The following NEBL variants were observed in gnomAD, a reference collection of about 807,000 sequenced individuals.
The protein encoded by NEBL is LIM and SH3 protein 2.
NEBL carries 122 observed loss-of-function variants against 140.2 expected under a neutral mutation model. The observed-to-expected ratio is 0.87, with a 90% confidence interval of 0.75 to 1.01. The LOEUF is 1.01. NEBL is among the 50% of genes least tolerant of loss of function. The pLI is 0.00. For missense variants in NEBL, 1,365 were observed against 1,231.3 expected, an observed-to-expected ratio of 1.11 and a Z score of -1.62; for synonymous variants, 436 against 398.9, an observed-to-expected ratio of 1.09 and a Z score of -1.11.
chr10:20,845,202 T>G, intron 12 of NEBL, 56 bp downstream of exon 12: 1 of 1,124,776 alleles, frequency 8.9e-7, no homozygotes, highest in South Asian at 1.3e-5. Flanking sequence ...AAACATTTCC[T>G]GGGTTTTTTC....
At chr10:20,907,567 A>G (rs943095893) in intron 4 of NEBL, among the ~76,000 whole-genome samples, 1 of 152,198 alleles carries the variant, frequency 6.6e-6, no homozygotes, top group African/African-American at 2.4e-5. Flanking sequence ...TAAGCAAACC[A>G]TTCGTTCATC....
chr10:20,956,261 G>T (rs1171778209), intron 4 of NEBL, among the ~76,000 whole-genome samples: 2 of 152,202 alleles, frequency 1.3e-5, no homozygotes, highest in African/African-American at 4.8e-5. Context: ...AGGAGCGGTT[G>T]TTCAGAGGAT....
At chr10:21,099,353 C>T (rs962855990) in intron 2 of NEBL, among the ~76,000 whole-genome samples, 11 of 152,100 alleles carry the variant, frequency 7.2e-5, no homozygotes, top group African/African-American at 2.7e-4. Flanking sequence ...TCTCCTTTCG[C>T]GTCCTCCCCT....
chr10:20,898,604 T>C (rs1211603910), upstream of NEBL, among the ~76,000 whole-genome samples: 1 of 152,134 alleles, frequency 6.6e-6, no homozygotes, highest in East Asian at 1.9e-4. Context: ...ACAAATATGT[T>C]TGGGAAATCT....
intron 12 of NEBL, among the ~76,000 whole-genome samples, chr10:20,841,914 C>T (rs1173989035): frequency 6.6e-6 from 1 of 152,054 alleles, no homozygotes; most frequent in Admixed American, 6.6e-5. Context: ...ATTTGAATGT[C>T]ATATTTTAAG....
chr10:20,979,352 T>G (rs1184749524), intron 3 of NEBL, among the ~76,000 whole-genome samples: 2 of 151,286 alleles, frequency 1.3e-5, no homozygotes, highest in African/African-American at 2.4e-5. Flanking sequence ...CCTGGAAAAA[T>G]GTACACCAAA....
At chr10:20,933,416 G>A (rs1834301740) in intron 4 of NEBL, among the ~76,000 whole-genome samples, 1 of 152,234 alleles carries the variant, frequency 6.6e-6, no homozygotes, top group African/African-American at 2.4e-5. Flanking sequence ...CTCAGGAGTG[G>A]CAGGTAAATA....
rs1245614554 is a variant in NEBL, at chr10:21,173,100, C to G, written c.70-623G>C. ...GTCACTCCGGATCGCTCCTGGGTGT[C>G]TCTCTCCCGGGCTGTTCATCTCCGT... On this transcript the variant is annotated intron_variant, in intron 1 of 6. Coordinates refer to the NEBL transcript ENST00000417816. This position sits in a 1 kb window ranked among gnomAD's most constrained non-coding sequence, Gnocchi z 5.7. Among the ~76,000 whole-genome samples the G allele has an allele frequency of 6.6e-6, 1 of 152,170 alleles. No individual in the cohort carries two copies. Among genetic ancestry groups the G allele is most frequent in the Non-Finnish European group, 1.5e-5 (1 of 68,036 alleles).
At chr10:21,236,566 C>T (rs1842353679) in intron 3 of NEBL, among the ~76,000 whole-genome samples, 1 of 152,154 alleles carries the variant, frequency 6.6e-6, no homozygotes, top group East Asian at 1.9e-4. Flanking sequence ...CCAGGCTGGT[C>T]TCGAACTCCT....
intron 2 of NEBL, among the ~76,000 whole-genome samples, chr10:21,067,511 A>G (rs1460037646): frequency 2.0e-5 from 3 of 152,200 alleles, no homozygotes; most frequent in Non-Finnish European, 4.4e-5. Flanking sequence ...AACAAGTAAG[A>G]GAAACAGTTA....
chr10:20,898,244 T>G (rs1468868305), upstream of NEBL, among the ~76,000 whole-genome samples: 1 of 152,158 alleles, frequency 6.6e-6, no homozygotes, highest in African/African-American at 2.4e-5. Context: ...AACTCACAAT[T>G]TATTAATCTG....
chr10:21,089,089 G>A (rs1048391838), intron 2 of NEBL, among the ~76,000 whole-genome samples: 19 of 152,194 alleles, frequency 1.2e-4, no homozygotes, highest in Non-Finnish European at 1.6e-4. Context: ...TGTTAAGGAG[G>A]TCAAGTTGAT....
intron 26 of NEBL, among the ~76,000 whole-genome samples, chr10:20,805,816 G>A (rs542464771): frequency 1.2e-4 from 18 of 151,322 alleles, no homozygotes; most frequent in African/African-American, 4.4e-4. Flanking sequence ...TCACGTTACT[G>A]CACTCCAGGC....
intron 2 of NEBL, among the ~76,000 whole-genome samples, chr10:21,159,544 C>T (rs896654534): frequency 2.6e-5 from 4 of 152,312 alleles, no homozygotes; most frequent in East Asian, 1.9e-4. Context: ...AAAGCAGTGA[C>T]GTTGTCCACA....
intron 1 of NEBL, among the ~76,000 whole-genome samples, chr10:21,269,224 G>A (rs545484018): frequency 1.3e-5 from 2 of 152,240 alleles, no homozygotes; most frequent in African/African-American, 4.8e-5. Context: ...CCTCTAAGAG[G>A]GGTTGGTTGT....
upstream of NEBL, among the ~76,000 whole-genome samples, chr10:20,898,223 A>T (rs1223898481): frequency 6.6e-6 from 1 of 152,188 alleles, no homozygotes. Context: ...GGCAATTCCA[A>T]GACTCCCTAC....
chr10:21,120,374 C>CAAAAAAAAAAA (rs1157067083), intron 2 of NEBL, among the ~76,000 whole-genome samples: 29 of 48,390 alleles, frequency 6.0e-4, no homozygotes, highest in African/African-American at 2.4e-3. Context: ...GACTGTGTCT[C>CAAAAAAAAAAA]AAAAAAAAAA....
intron 1 of NEBL, among the ~76,000 whole-genome samples, chr10:21,279,038 G>A (rs935647307): frequency 3.3e-5 from 5 of 152,176 alleles, no homozygotes; most frequent in African/African-American, 9.7e-5. Context: ...TGTCTTATGT[G>A]TGTACTGTGC....
At chr10:20,884,492 T>C (rs182198880) in intron 4 of NEBL, among the ~76,000 whole-genome samples, 4 of 152,350 alleles carry the variant, frequency 2.6e-5, no homozygotes, top group East Asian at 3.9e-4. Flanking sequence ...AGGTCAAGTA[T>C]GCAAATTAAA....
Sources: allele counts gnomAD v4.1 joint callset (sites outside exome capture counted in the v4.1 genomes callset), GRCh38; gene constraint gnomAD v4.1.1; non-coding constraint Gnocchi (gnomAD v3.1); transcripts MANE v1.5; gene names NCBI Gene and HGNC (gene_info 2026-07-23, HGNC 2026-07-21).